The following HERC1 variants were observed in gnomAD, a reference collection of about 807,000 sequenced individuals.
HERC1 encodes HECT and RLD domain containing E3 ubiquitin protein ligase family member 1, also known as probable E3 ubiquitin-protein ligase HERC1.
A neutral mutation model predicts 554.3 loss-of-function variants in HERC1; 160 were observed. The ratio of observed to expected loss-of-function variants is 0.29; its 90% CI spans 0.25 to 0.33. The LOEUF (loss-of-function observed/expected upper bound fraction) is 0.33, where lower values mean the gene tolerates loss of function less well. Ranked by LOEUF, HERC1 falls within the 10% of genes least tolerant of loss-of-function variation. The probability of loss-of-function intolerance (pLI) is 1.00; values close to 1 mark genes in which losing one functional copy is unlikely to be tolerated. For synonymous variants in HERC1, 2,175 were observed against 2,131.7 expected (o/e 1.02, Z -0.56); for missense variants, 4,919 against 5,918.5 (o/e 0.83, Z 5.54).
chr15:63,636,149 C>G lies in HERC1; in HGVS notation c.12233-7G>C, dbSNP rs369910520. ...AGCTGGGTCACCACAAAGCCTGGAA[C>G]AGAACAGAAACCCAACAGGAGTCAC... On this transcript the variant is annotated splice_region_variant and splice_polypyrimidine_tract_variant and intron_variant, in intron 64 of 77. Coordinates refer to ENST00000443617, the MANE Select transcript of HERC1 (RefSeq NM_003922.4). The G allele has an allele frequency of 2.5e-6, 4 of 1,612,806 alleles. No individual in the cohort carries two copies. Among genetic ancestry groups the G allele is most frequent in the Non-Finnish European group, 2.5e-6 (3 of 1,179,410 alleles).
At position 63,649,825 on chromosome 15, in the gene HERC1, C is replaced by T. The variant is rs376400593; in HGVS notation, c.10647G>A (p.Leu3549=). Residue 3549 remains leucine, a synonymous_variant, in exon 54 of 78, where the codon TTG becomes TTA. Coordinates refer to ENST00000443617, the MANE Select transcript of HERC1 (RefSeq NM_003922.4). The stretch of plus-strand genomic sequence containing the variant: ...ATCCATCCATCCGTCCCACCAACAA[C>T]AATTCTGGAGACTCTCCTGACCAGG... The part of the protein sequence containing the change: ...ATAWSGESPE[L]LLVGRMDGSL... 4 of 1,613,480 alleles carry T rather than the reference C, an allele frequency of 2.5e-6. No individual in the cohort carries two copies. The highest frequency in any genetic ancestry group is 3.4e-6 in the Non-Finnish European group (4 of 1,179,756).
rs1481244712 is a variant in HERC1 at position 63,630,542 on chromosome 15, G to A, written c.12890C>T (p.Ala4297Val). 4 of 1,613,974 alleles carry A rather than the reference G, an allele frequency of 2.5e-6. No individual in the cohort carries two copies. The highest frequency in any genetic ancestry group is 2.5e-6 in the Non-Finnish European group (3 of 1,179,880). The change falls in exon 69 of 78, where the codon GCA becomes GTA. Residue 4297 changes from alanine (A) to valine (V), a missense_variant. By Grantham distance (64) the Ala-to-Val change is moderately conservative. This residue lies in a region of HERC1 where 410 missense variants were observed against 467.0 expected (regional missense o/e 0.88). Transcript: ENST00000443617. ...AGCAAGTGTGTGTTCAGCTCCAACT[G>A]CCACATCTTCTATGATTACTCCAGC... Reference protein sequence around the residue: ...VLAGVIIEDVAVGAEHTLALA... With the variant: ...VLAGVIIEDVVVGAEHTLALA...
At chr15:63,716,125 A>T (rs572973000) in intron 22 of HERC1, among the ~76,000 whole-genome samples, 177 bp downstream of exon 22, 4 of 152,342 alleles carry the variant, frequency 2.6e-5, no homozygotes, top group African/African-American at 9.6e-5. Context: ...AAGCATCAGA[A>T]TAGTACTAGC....
chr15:63,649,558 A>C (rs564700595), intron 54 of HERC1, among the ~76,000 whole-genome samples, 167 bp downstream of exon 54: 1 of 152,316 alleles, frequency 6.6e-6, no homozygotes, highest in African/African-American at 2.4e-5. Context: ...CTAGGAGATA[A>C]ATATCTTTCA....
chr15:63,613,065 AC>A (rs560341489), intron 76 of HERC1, among the ~76,000 whole-genome samples: 43 of 152,372 alleles, frequency 2.8e-4, no homozygotes, highest in African/African-American at 1.0e-3. Flanking sequence ...TCTGAAAAGT[AC>A]AAAGAAGAAA....
At chr15:63,634,422 A>T (rs1418543833) in intron 66 of HERC1, among the ~76,000 whole-genome samples, 2 of 152,230 alleles carry the variant, frequency 1.3e-5, no homozygotes, top group African/African-American at 2.4e-5. Context: ...ACCAGACAGG[A>T]GCTACTAGTA....
chr15:63,609,057 G>T lies in HERC1; in HGVS notation c.*24C>A. The stretch of plus-strand genomic sequence containing the variant: ...AAGTGAGCATTATTGAGGGAGAGAA[G>T]GGAGGGTGAGAGCACCCGCACGGTC... On this transcript the variant is annotated 3_prime_UTR_variant, in exon 78 of 78. Transcript: ENST00000443617. 6.2e-7 allele frequency: 1 copy of T among 1,600,864 alleles called. No homozygotes were observed.
At chr15:63,687,039 A>G (rs1210823740) in intron 33 of HERC1, among the ~76,000 whole-genome samples, 1 of 152,204 alleles carries the variant, frequency 6.6e-6, no homozygotes, top group East Asian at 1.9e-4. Context: ...CAAGTCTAGA[A>G]AGAGAAGAAG....
chr15:63,616,392 G>A (rs2067819811), intron 75 of HERC1, 38 bp downstream of exon 75: 11 of 1,593,826 alleles, frequency 6.9e-6, no homozygotes, highest in African/African-American at 1.3e-5. Flanking sequence ...CATATAGGAC[G>A]TCAACACCAG....
Position 63,680,666 on chromosome 15 carries a change from C to T in HERC1, c.6336G>A (p.Arg2112=), listed in dbSNP as rs2071432941. ...TGTGATAGAGGTTACCACTGTAGGC[C>T]CTATAGAGCCACATATCCGAGGTAG... The part of the protein sequence containing the change: ...HRTTSDMWLY[R]AYSGNLYHNG... The change falls in exon 35 of 78, where the codon AGG becomes AGA. Residue 2112 remains arginine, a synonymous_variant. Coordinates refer to ENST00000443617, the MANE Select transcript of HERC1 (RefSeq NM_003922.4). The surrounding 1 kb of genome is among the most constrained non-coding windows in gnomAD (Gnocchi z 5.8). 4 of 1,613,712 alleles carry T rather than the reference C, an allele frequency of 2.5e-6. No homozygotes were observed. Among genetic ancestry groups the T allele is most frequent in the Non-Finnish European group, 3.4e-6 (4 of 1,179,782 alleles).
chr15:63,796,890 G>A (rs1356777347), intron 1 of HERC1, among the ~76,000 whole-genome samples: 1 of 152,190 alleles, frequency 6.6e-6, no homozygotes, highest in Non-Finnish European at 1.5e-5. Flanking sequence ...AGAACAGATT[G>A]TAAATGTTTC....
chr15:63,677,009 AT>A lies in HERC1; in HGVS notation c.7070+835del, dbSNP rs1296286458. Among the ~76,000 whole-genome samples the A allele has an allele frequency of 6.6e-6, 1 of 152,130 alleles. No individual in the cohort carries two copies. The highest frequency in any genetic ancestry group is 2.4e-5 in the African/African-American group (1 of 41,422). On this transcript the variant is annotated intron_variant, in intron 37 of 77. Transcript: ENST00000443617. This position sits in a 1 kb window ranked among gnomAD's most constrained non-coding sequence, Gnocchi z 4.4. Reference sequence around the variant, plus strand: ...GGATCAGAAGTGTTCTGGATTTCAGATTTTTTTCCCAAATTTTGGAATATTT... The same window carrying A: ...GGATCAGAAGTGTTCTGGATTTCAGATTTTTTCCCAAATTTTGGAATATTT...
chr15:63,649,092 C>T (rs1023929807), intron 54 of HERC1, among the ~76,000 whole-genome samples: 4 of 152,180 alleles, frequency 2.6e-5, no homozygotes, highest in East Asian at 1.9e-4. Context: ...CGGTGGCTCA[C>T]GCCTGTAATC....
rs1171251537 is a variant in HERC1 at position 63,623,894 on chromosome 15, TA to T, written c.13446-5del. 1 of 1,613,230 alleles carries T rather than the reference TA, an allele frequency of 6.2e-7. No homozygotes were observed. The highest frequency in any genetic ancestry group is 1.7e-5 in the Admixed American group (1 of 59,976). ...AATAGGCTTACACTTCCGTCCTCTT[TA>T]AAAGAAAGGGAGAAAGCAATGAAAT... On this transcript the variant is annotated splice_region_variant and splice_polypyrimidine_tract_variant and intron_variant, in intron 72 of 77. Transcript: ENST00000443617.
At chr15:63,710,455 T>C (rs564058430) in intron 24 of HERC1, among the ~76,000 whole-genome samples, 85 of 152,334 alleles carry the variant, frequency 5.6e-4, no homozygotes, top group African/African-American at 1.3e-3. Context: ...CAGTTATTTA[T>C]AAATTTAAAA....
rs2068188233 is a variant in HERC1, at chr15:63,623,851, T to C, written c.13485A>G (p.Arg4495=). Residue 4495 remains arginine, a synonymous_variant, in exon 73 of 78, where the codon AGA becomes AGG. Coordinates refer to ENST00000443617, the MANE Select transcript of HERC1 (RefSeq NM_003922.4). ...CTGAAGCATTCAGCTTAACTACTTG[T>C]CTCGCTATTTGGACAAAAATAGGCT... ...KCKPIFVQIA[R]QVVKLNASDL... is the part of the protein sequence containing the mutation. The C allele has an allele frequency of 6.2e-7, 1 of 1,613,902 alleles. No individual in the cohort carries two copies. The highest frequency in any genetic ancestry group is 8.5e-7 in the Non-Finnish European group (1 of 1,179,910).
At chr15:63,828,416 C>T (rs1000805338) in intron 1 of HERC1, among the ~76,000 whole-genome samples, 1 of 151,688 alleles carries the variant, frequency 6.6e-6, no homozygotes, top group African/African-American at 2.4e-5. Flanking sequence ...CTTGGCATAC[C>T]GCAACCTCCG....
chr15:63,752,390 T>C (rs2075280011), intron 8 of HERC1: 1 of 152,130 alleles, frequency 6.6e-6, no homozygotes, highest in Non-Finnish European at 1.5e-5. Context: ...CTCCTCCCTA[T>C]CCTCAACAAA....
rs1368217114 is a variant in HERC1, at chr15:63,674,855, T to C, written c.7333A>G (p.Thr2445Ala). 1 of 1,613,820 alleles carries C rather than the reference T, an allele frequency of 6.2e-7. No homozygotes were observed. Among genetic ancestry groups the C allele is most frequent in the African/African-American group, 1.3e-5 (1 of 75,054 alleles). The change falls in exon 38 of 78, where the codon ACA becomes GCA. Residue 2445 changes from threonine (T) to alanine (A), a missense_variant. Coordinates refer to ENST00000443617, the MANE Select transcript of HERC1 (RefSeq NM_003922.4). ...ESALDMRTGL[T>A]SDDVKSQSTT... ...CTCTGACTTTTGACGTCATCAGATG[T>C]TAGGCCTGTTCGCATATCTAAAGCG...
Sources: allele counts gnomAD v4.1 joint callset (sites outside exome capture counted in the v4.1 genomes callset), GRCh38; gene constraint gnomAD v4.1.1; regional missense constraint gnomAD v4.1.1; non-coding constraint Gnocchi (gnomAD v3.1); transcripts MANE v1.5; gene names NCBI Gene and HGNC (gene_info 2026-07-23, HGNC 2026-07-21).